Variants in PHLDB2 observed in about 807,000 individuals in gnomAD.
PHLDB2 encodes pleckstrin homology-like domain family B member 2.
PHLDB2 carries 71 observed loss-of-function variants against 123.6 expected under a neutral mutation model. The observed-to-expected ratio is 0.57, with a 90% confidence interval of 0.47 to 0.70. The LOEUF is 0.70. Among genes scored for constraint, PHLDB2 ranks in the 30% least tolerant of loss-of-function variants. PHLDB2 has a pLI of 0.00. For synonymous variants in PHLDB2, 547 were observed against 541.6 expected (o/e 1.01, Z -0.14); for missense variants, 1,446 against 1,519.5 (o/e 0.95, Z 0.80).
At chr3:111,761,373 C>A (rs1327807028) in intron 1 of PHLDB2, among the ~76,000 whole-genome samples, 1 of 152,068 alleles carries the variant, frequency 6.6e-6, no homozygotes, top group African/African-American at 2.4e-5. Context: ...GGTATGGGTA[C>A]ACATGGGAGT....
At chr3:111,966,556 TAG>T in intron 13 of PHLDB2, 55 bp from the exon 14 acceptor site, 1 of 1,145,988 alleles carries the variant, frequency 8.7e-7, no homozygotes, top group Non-Finnish European at 1.3e-6. Flanking sequence ...GTGTATGTAT[TAG>T]AGAGACTTCT....
In PHLDB2 at chr3:111,827,577, A is replaced by C. The variant is rs1183060150; in HGVS notation, c.-48-18244A>C. Among the ~76,000 whole-genome samples, 5 of 149,270 alleles carry C rather than the reference A, an allele frequency of 3.3e-5. No individual in the cohort carries two copies. In the South Asian group the frequency reaches 1.1e-3, roughly 32 times the overall value. On this transcript the variant is annotated intron_variant, in intron 1 of 17. Coordinates refer to the PHLDB2 transcript ENST00000393923. ...GTAGTCCCAGCTACTCGGGAGGCTG[A>C]GGCGGAGAATGGCGTCAACCCGGGA...
chr3:111,783,142 G>C (rs2060544650), intron 1 of PHLDB2, among the ~76,000 whole-genome samples: 2 of 152,042 alleles, frequency 1.3e-5, no homozygotes, highest in African/African-American at 2.4e-5. Context: ...ACTGCTTGCA[G>C]CAGTTCCAAA....
Position 111,913,561 on chromosome 3 carries a change from T to C in PHLDB2, c.1578T>C (p.Ser526=). 1 of 1,614,080 alleles carries C rather than the reference T, an allele frequency of 6.2e-7. No homozygotes were observed. Residue 526 remains serine (S), a synonymous_variant, in exon 3 of 18, where the codon AGT becomes AGC. Transcript: ENST00000431670. ...ACTTGGCAAGCTGTGGGAGTCTCAGTCAGAGCAGTGCCAGCTTCTTTACCC... is the reference window on the plus strand; with the variant it reads ...ACTTGGCAAGCTGTGGGAGTCTCAGCCAGAGCAGTGCCAGCTTCTTTACCC... ...DADLASCGSL[S]QSSASFFTPR... is the part of the protein sequence containing the mutation.
At chr3:111,866,189 C>T (rs1037873885) in intron 1 of PHLDB2, among the ~76,000 whole-genome samples, 2 of 151,518 alleles carry the variant, frequency 1.3e-5, no homozygotes, top group African/African-American at 4.9e-5. Flanking sequence ...CAGCTAATTT[C>T]TGTACTTTAA....
chr3:111,863,841 C>G (rs2064945678), intron 1 of PHLDB2, among the ~76,000 whole-genome samples: 1 of 152,174 alleles, frequency 6.6e-6, no homozygotes, highest in Non-Finnish European at 1.5e-5. Context: ...TTATGATTAT[C>G]AGAAAAGTTG....
intron 2 of PHLDB2, among the ~76,000 whole-genome samples, chr3:111,907,139 T>G (rs953118156): frequency 6.6e-6 from 1 of 152,208 alleles, no homozygotes; most frequent in African/African-American, 2.4e-5. Context: ...CAGTGAAAAG[T>G]CTGGAGAGCA....
intron 1 of PHLDB2, among the ~76,000 whole-genome samples, chr3:111,783,191 A>T (rs2060546711): frequency 6.6e-6 from 1 of 152,062 alleles, no homozygotes; most frequent in Non-Finnish European, 1.5e-5. Context: ...GAAAATCTTT[A>T]CTGTTCAGAG....
At chr3:111,955,676 C>G (rs565429359) in intron 12 of PHLDB2, among the ~76,000 whole-genome samples, 1 of 152,132 alleles carries the variant, frequency 6.6e-6, no homozygotes, top group East Asian at 1.9e-4. Context: ...TGGTCTCGAC[C>G]TCCTGGGCTC....
At chr3:111,947,079 C>T (rs1235586111) in intron 9 of PHLDB2, among the ~76,000 whole-genome samples, 4 of 152,060 alleles carry the variant, frequency 2.6e-5, no homozygotes, top group African/African-American at 9.7e-5. Context: ...TGGTAAGCAC[C>T]TTTTAGTGAG....
At chr3:111,955,389 C>T (rs1267665449) in intron 12 of PHLDB2, among the ~76,000 whole-genome samples, 1 of 152,014 alleles carries the variant, frequency 6.6e-6, no homozygotes, top group Non-Finnish European at 1.5e-5. Context: ...TTTTGGCTCT[C>T]ATTTATCACT....
At chr3:111,733,754 T>C (rs1008212748) in intron 1 of PHLDB2, among the ~76,000 whole-genome samples, 2 of 152,246 alleles carry the variant, frequency 1.3e-5, no homozygotes, top group Admixed American at 1.3e-4. Flanking sequence ...GTAATTTTTA[T>C]CTAATATGAT....
chr3:111,946,745 T>A (rs990671595), intron 9 of PHLDB2, among the ~76,000 whole-genome samples: 3 of 152,160 alleles, frequency 2.0e-5, no homozygotes, highest in African/African-American at 7.2e-5. Flanking sequence ...GGCCTTTAAG[T>A]GGTTTTAAGC....
At chr3:111,736,274 A>G (rs4682301) in intron 1 of PHLDB2, among the ~76,000 whole-genome samples, 148,137 of 152,332 alleles carry the variant, frequency 0.97, 72,053 homozygotes, top group East Asian at 1. Context: ...TGACTTTAAC[A>G]TAATGTACAA....
In PHLDB2 at chr3:111,939,531, G is replaced by C. The variant is rs771382905; in HGVS notation, c.2187G>C (p.Gln729His). 3.7e-6 allele frequency: 6 copies of C among 1,613,814 alleles called. No homozygotes were observed. The highest frequency in any genetic ancestry group is 5.1e-6 in the Non-Finnish European group (6 of 1,179,868). ...SKHFEDLEFQ[Q>H]LEHESRLDEE... ...ACTTTGAAGACCTGGAGTTCCAGCA[G>C]CTTGAACATGAGAGCCGTCTAGATG... Residue 729 changes from glutamine to histidine, a missense_variant, in exon 7 of 18, where the codon CAG becomes CAC. Transcript: ENST00000431670.
intron 1 of PHLDB2, among the ~76,000 whole-genome samples, chr3:111,772,495 C>T (rs1461028478): frequency 6.6e-6 from 1 of 152,010 alleles, no homozygotes. Flanking sequence ...TGGTTTAACC[C>T]CAAAGCTGGA....
chr3:111,848,451 T>C (rs2064107208), intron 2 of PHLDB2, among the ~76,000 whole-genome samples: 1 of 152,188 alleles, frequency 6.6e-6, no homozygotes, highest in South Asian at 2.1e-4. Context: ...CTTGATTACA[T>C]TGCTCATCAA....
intron 13 of PHLDB2, 84 bp from the exon 14 acceptor site, chr3:111,966,529 T>A: frequency 5.5e-6 from 1 of 182,478 alleles, no homozygotes; most frequent in South Asian, 8.3e-5. Flanking sequence ...GTGTCTGGGG[T>A]GTGTGTGTGT....
chr3:111,953,825 G>C (rs112912254), intron 11 of PHLDB2, 105 bp from the exon 12 acceptor site: 2 of 843,426 alleles, frequency 2.4e-6, no homozygotes, highest in South Asian at 3.3e-5. Context: ...TACCTTCTCT[G>C]CCCTGTACAC....
Sources: allele counts gnomAD v4.1 joint callset (sites outside exome capture counted in the v4.1 genomes callset), GRCh38; gene constraint gnomAD v4.1.1; transcripts MANE v1.5; gene names NCBI Gene and HGNC (gene_info 2026-07-23, HGNC 2026-07-21).